POLR3GL: variants seen among roughly 807,000 people sequenced by gnomAD.
POLR3GL encodes the protein RNA polymerase III subunit GL.
POLR3GL carries 26 observed loss-of-function variants against 32.4 expected under a neutral mutation model. That is an observed-to-expected ratio of 0.80 (90% CI 0.59 to 1.11). The LOEUF is 1.11. POLR3GL is among the 50% of genes most tolerant of loss of function. The pLI is 0.00. For synonymous variants in POLR3GL, 95 were observed against 98.7 expected, an observed-to-expected ratio of 0.96 and a Z score of 0.22; for missense variants, 229 against 280.1, an observed-to-expected ratio of 0.82 and a Z score of 1.30.
rs373589184 is a variant in POLR3GL, at chr1:145,974,888, G to A, written c.23G>A (p.Arg8Gln). The A allele has an allele frequency of 8.6e-6, 13 of 1,519,586 alleles. No homozygotes were observed. In the African/African-American group the frequency reaches 8.7e-5, roughly 10 times the overall value. 94.1% of individuals were successfully genotyped at this position (1,519,586 alleles called of 1,614,324 possible). MASRGGG[R>Q]GRGRGQLTFN... Reference sequence around the variant, plus strand: ...ACCATGGCCAGCCGGGGTGGGGGCCGGGGTCGTGGCCGGGGCCAGTTGACC... The same window carrying A: ...ACCATGGCCAGCCGGGGTGGGGGCCAGGGTCGTGGCCGGGGCCAGTTGACC... Residue 8 changes from arginine to glutamine, a missense_variant, in exon 2 of 8, where the codon CGG becomes CAG. Physicochemically the swap from Arg to Gln is conservative, Grantham distance 43. Coordinates refer to ENST00000369314, the MANE Select transcript of POLR3GL (RefSeq NM_032305.3).
intron 1 of POLR3GL, among the ~76,000 whole-genome samples, chr1:145,968,021 T>C (rs1341059675): frequency 2.0e-5 from 3 of 152,250 alleles, no homozygotes; most frequent in African/African-American, 7.2e-5. Flanking sequence ...TCCTTAAATT[T>C]GATGTAATTG....
intron 1 of POLR3GL, among the ~76,000 whole-genome samples, chr1:145,969,933 A>G (rs587756902): frequency 6.6e-6 from 1 of 151,780 alleles, no homozygotes; most frequent in Admixed American, 6.6e-5. Flanking sequence ...AAAAAAAAAA[A>G]AAAAAGATAC....
At chr1:145,969,334 G>A (rs1314763680) in intron 1 of POLR3GL, among the ~76,000 whole-genome samples, 1 of 151,746 alleles carries the variant, frequency 6.6e-6, no homozygotes, top group African/African-American at 2.4e-5. Context: ...GCGCCATCTC[G>A]GCTCACTGCA....
At chr1:145,972,193 C>CAACATGGAGA (rs1177929752) in intron 1 of POLR3GL, among the ~76,000 whole-genome samples, 1 of 150,040 alleles carries the variant, frequency 6.7e-6, no homozygotes, top group Non-Finnish European at 1.5e-5. Context: ...CCAGCCTGAC[C>CAACATGGAGA]AACATGGAGA....
At chr1:145,966,014 G>A (rs1650002502) in intron 1 of POLR3GL, among the ~76,000 whole-genome samples, 1 of 151,258 alleles carries the variant, frequency 6.6e-6, no homozygotes, top group African/African-American at 2.4e-5. Flanking sequence ...TACTGGGGAG[G>A]CTGAGGCAGG....
intron 7 of POLR3GL, 132 bp downstream of exon 7, chr1:145,978,228 C>A: frequency 7.4e-7 from 1 of 1,348,990 alleles, no homozygotes; most frequent in Non-Finnish European, 1.0e-6. Flanking sequence ...ACTTCATCTG[C>A]CCCCCTTCTA....
chr1:145,977,605 G>T (rs1342124141), intron 5 of POLR3GL, 66 bp downstream of exon 5: 1 of 1,482,054 alleles, frequency 6.7e-7, no homozygotes, highest in Non-Finnish European at 9.4e-7. Context: ...GGCCGAGGCT[G>T]CTGCTGGTCT....
chr1:145,977,458 A>C (rs1261490282), intron 4 of POLR3GL, 25 bp from the exon 5 acceptor site: 1 of 1,610,872 alleles, frequency 6.2e-7, no homozygotes, highest in Non-Finnish European at 8.5e-7. Context: ...GGTCCTATTG[A>C]CATTTACGTT....
intron 1 of POLR3GL, among the ~76,000 whole-genome samples, chr1:145,973,961 TA>T (rs35199064): frequency 0.017 from 1,742 of 104,916 alleles, 32 homozygotes; most frequent in African/African-American, 0.053. Flanking sequence ...TCCAGTCTCT[TA>T]AAAAAAAAAA....
rs368674544 is a variant in POLR3GL at position 145,978,468 on chromosome 1, T to A, written c.*21T>A. 182 of 1,466,138 alleles carry A rather than the reference T, an allele frequency of 1.2e-4. No individual in the cohort carries two copies. Among genetic ancestry groups the A allele is most frequent in the Admixed American group, 1.9e-4 (11 of 58,280 alleles). 90.8% of individuals were successfully genotyped at this position (1,466,138 alleles called of 1,614,324 possible). On this transcript the variant is annotated 3_prime_UTR_variant, in exon 8 of 8. Transcript: ENST00000369314. ...ACTGAAGAAGGACTCTGGACCCTCG[T>A]GTCTTTCTTTAGGATACAGAGAGTA... is the stretch of plus-strand genomic sequence containing the variant.
At chr1:145,974,397 T>C (rs587723331) in intron 1 of POLR3GL, among the ~76,000 whole-genome samples, 166 of 151,652 alleles carry the variant, frequency 1.1e-3, no homozygotes, top group Non-Finnish European at 2.0e-3. Flanking sequence ...ATGCCTGTAA[T>C]CCCAGCACTT....
At chr1:145,976,485 A>T (rs587645849) in intron 3 of POLR3GL, among the ~76,000 whole-genome samples, 4 of 149,992 alleles carry the variant, frequency 2.7e-5, no homozygotes, top group Non-Finnish European at 5.9e-5. Context: ...AGGCTGAGGC[A>T]AGAATTGCTT....
At chr1:145,972,012 A>ATATATGTGTG (rs782186587) in intron 1 of POLR3GL, among the ~76,000 whole-genome samples, 15 of 112,580 alleles carry the variant, frequency 1.3e-4, no homozygotes, top group African/African-American at 6.1e-4. Flanking sequence ...ATATATATAT[A>ATATATGTGTG]CGTGTGTGTG....
At chr1:145,967,120 A>G (rs1650072364) in intron 1 of POLR3GL, among the ~76,000 whole-genome samples, 1 of 151,306 alleles carries the variant, frequency 6.6e-6, no homozygotes, top group African/African-American at 2.4e-5. Context: ...CAGCCTGCTT[A>G]TTATTTAAAT....
chr1:145,969,410 G>A (rs184390083), intron 1 of POLR3GL, among the ~76,000 whole-genome samples: 3 of 151,604 alleles, frequency 2.0e-5, no homozygotes, highest in Admixed American at 2.0e-4. Flanking sequence ...GACTACAGGC[G>A]CACACCACCA....
At chr1:145,973,721 A>G (rs1570996834) in intron 1 of POLR3GL, among the ~76,000 whole-genome samples, 1 of 151,870 alleles carries the variant, frequency 6.6e-6, no homozygotes, top group East Asian at 1.9e-4. Context: ...CAAGAAAAAA[A>G]AAAAGAAGAC....
intron 1 of POLR3GL, among the ~76,000 whole-genome samples, chr1:145,971,553 A>G (rs948739186): frequency 6.6e-6 from 1 of 152,170 alleles, no homozygotes; most frequent in Admixed American, 6.5e-5. Flanking sequence ...TTATCATGTA[A>G]TTTTAAGGGC....
At chr1:145,969,492 G>C (rs1419894915) in intron 1 of POLR3GL, among the ~76,000 whole-genome samples, 1 of 151,476 alleles carries the variant, frequency 6.6e-6, no homozygotes, top group Non-Finnish European at 1.5e-5. Flanking sequence ...TCGATCCCTT[G>C]ACCTTGTGAT....
rs1553763789 is a variant in POLR3GL at position 145,978,036 on chromosome 1, A to C, written c.510A>C (p.Glu170Asp). Residue 170 changes from glutamate (E) to aspartate (D), a missense_variant, in exon 7 of 8, where the codon GAA becomes GAC. By Grantham distance (45) the Glu-to-Asp change is conservative. Transcript: ENST00000369314. ...CTTCAGAGGAGGATGAGGAGAAAGA[A>C]GAAGAAGAAGAGAAGGAAGAGGAGG... ...EVTSEEDEEK[E>D]EEEEKEEEEE... 6.2e-7 allele frequency: 1 copy of C among 1,607,608 alleles called. No individual in the cohort carries two copies. Among genetic ancestry groups the C allele is most frequent in the Non-Finnish European group, 8.5e-7 (1 of 1,174,320 alleles).
Sources: gnomAD v4.1 joint callset for allele counts (sites outside exome capture counted in the v4.1 genomes callset) on GRCh38, gnomAD v4.1.1 for gene constraint, MANE v1.5 for transcripts, NCBI Gene and HGNC (gene_info 2026-07-23, HGNC 2026-07-21) for gene names.